Variants in GBE1 observed in about 807,000 individuals in gnomAD.
The protein encoded by GBE1 is 1,4-alpha-glucan-branching enzyme.
Under a neutral mutation model 88.8 loss-of-function variants are expected in GBE1, and 70 were observed. The ratio of observed to expected loss-of-function variants is 0.79; its 90% CI spans 0.65 to 0.96. GBE1 has a LOEUF of 0.96. GBE1 is among the 40% of genes least tolerant of loss of function. GBE1 has a pLI of 0.00. For missense variants in GBE1, 872 were observed against 871.0 expected (o/e 1.00, Z -0.01); for synonymous variants, 284 against 300.1 (o/e 0.95, Z 0.56).
chr3:81,702,751 A>C (rs1705718643), intron 2 of GBE1, among the ~76,000 whole-genome samples: 1 of 152,092 alleles, frequency 6.6e-6, no homozygotes, highest in Non-Finnish European at 1.5e-5. Context: ...TTTTTACAAT[A>C]AAATATGGGC....
At chr3:81,526,396 A>C (rs1399880922) in intron 14 of GBE1, among the ~76,000 whole-genome samples, 1 of 152,110 alleles carries the variant, frequency 6.6e-6, no homozygotes, top group Non-Finnish European at 1.5e-5. Context: ...GAAAGAAATA[A>C]AGGGTAATCA....
chr3:81,749,901 C>T (rs1706471920), intron 1 of GBE1, among the ~76,000 whole-genome samples: 1 of 152,064 alleles, frequency 6.6e-6, no homozygotes, highest in South Asian at 2.1e-4. Context: ...TAAAACCAAC[C>T]CTTAGGTTTG....
intron 14 of GBE1, among the ~76,000 whole-genome samples, chr3:81,526,475 T>A (rs991941072): frequency 6.6e-6 from 1 of 152,066 alleles, no homozygotes; most frequent in African/African-American, 2.4e-5. Context: ...GAAAACCCCA[T>A]TGTCTCAGCC....
chr3:81,756,022 A>C (rs1286376760), intron 1 of GBE1, among the ~76,000 whole-genome samples: 2 of 152,122 alleles, frequency 1.3e-5, no homozygotes, highest in Non-Finnish European at 2.9e-5. Flanking sequence ...TGTGAAAATT[A>C]TTTTATTTCT....
At chr3:81,565,601 A>T (rs906305012) in intron 12 of GBE1, among the ~76,000 whole-genome samples, 1 of 152,198 alleles carries the variant, frequency 6.6e-6, no homozygotes, top group South Asian at 2.1e-4. Flanking sequence ...CTACAAAATT[A>T]TCAAATGTCA....
At chr3:81,523,973 C>A (rs1226223509) in intron 14 of GBE1, among the ~76,000 whole-genome samples, 1 of 151,754 alleles carries the variant, frequency 6.6e-6, no homozygotes, top group African/African-American at 2.4e-5. Context: ...GCGCAAATAT[C>A]TGCTCCATAT....
intron 2 of GBE1, among the ~76,000 whole-genome samples, chr3:81,687,867 T>C (rs1440207152): frequency 6.6e-6 from 1 of 152,162 alleles, no homozygotes; most frequent in Admixed American, 6.5e-5. Context: ...AGACGCCCCA[T>C]TCAGTCTGGA....
intron 14 of GBE1, among the ~76,000 whole-genome samples, chr3:81,507,292 C>T (rs968509701): frequency 8.6e-5 from 13 of 151,960 alleles, no homozygotes; most frequent in African/African-American, 3.1e-4. Context: ...TGCCCGGGCG[C>T]AGTGGCTCAC....
chr3:81,534,475 T>C (rs1475242822), intron 14 of GBE1, among the ~76,000 whole-genome samples: 1 of 151,922 alleles, frequency 6.6e-6, no homozygotes, highest in Non-Finnish European at 1.5e-5. Flanking sequence ...GTAAAATGCA[T>C]GAAAAAAGGA....
intron 7 of GBE1, among the ~76,000 whole-genome samples, chr3:81,621,253 T>A (rs13097903): frequency 0.13 from 19,423 of 152,204 alleles, 1,804 homozygotes; most frequent in East Asian, 0.37. Context: ...TCTCTCAAGG[T>A]TACCTTATAA....
rs1559708483 is a variant in GBE1 at position 81,750,575 on chromosome 3, A to ATG, written c.143+10799_143+10800insCA. Among the ~76,000 whole-genome samples the ATG allele has an allele frequency of 2.3e-3, 124 of 54,934 alleles. 14 individuals carry two copies. The highest frequency in any genetic ancestry group is 0.014 in the African/African-American group (112 of 7,726). The allele number at this position is 54,934 out of a possible 152,430, so 36.0% of individuals were successfully genotyped here. A position where few individuals can be genotyped will look rare whatever the true frequency, so the allele number is the denominator to read the frequency against. On this transcript the variant is annotated intron_variant, in intron 1 of 15. Coordinates refer to ENST00000429644, the MANE Select transcript of GBE1 (RefSeq NM_000158.4). ...TGTATATATATATGTATATATATAT[A>ATG]CGTATATATATACGTATATATATAT... is the stretch of plus-strand genomic sequence containing the variant.
rs369831534 is a variant in GBE1 at position 81,499,120 on chromosome 3, T to C, written c.2042A>G (p.Tyr681Cys). The C allele has an allele frequency of 7.0e-6, 11 of 1,574,478 alleles. No homozygotes were observed. The highest frequency in any genetic ancestry group is 2.7e-5 in the African/African-American group (2 of 74,130). ...SEAFEHNGRPYSLLVYIPSRV... is the reference protein window; with the variant it reads ...SEAFEHNGRPCSLLVYIPSRV... ...GAGAAACTTACTTACCAAAAGAGAA[T>C]AGGGACGCCCATTATGTTCAAAAGC... is the stretch of plus-strand genomic sequence containing the variant. The change falls in exon 15 of 16, where the codon TAT becomes TGT. Residue 681 changes from tyrosine to cysteine, a missense_variant. By Grantham distance (194) the Tyr-to-Cys change is radical (BLOSUM62 -2). Transcript: ENST00000429644.
At chr3:81,553,376 G>T (rs946481905) in intron 12 of GBE1, among the ~76,000 whole-genome samples, 8 of 151,758 alleles carry the variant, frequency 5.3e-5, no homozygotes, top group African/African-American at 1.9e-4. Context: ...ATAGCATTAT[G>T]CTGTGTTTTG....
At chr3:81,668,061 T>A (rs1705137678) in intron 3 of GBE1, among the ~76,000 whole-genome samples, 1 of 152,184 alleles carries the variant, frequency 6.6e-6, no homozygotes, top group African/African-American at 2.4e-5. Context: ...TGAGATCATA[T>A]CCTTTGCAGG....
chr3:81,563,229 C>T (rs1222303049), intron 12 of GBE1, among the ~76,000 whole-genome samples: 2 of 152,222 alleles, frequency 1.3e-5, no homozygotes, highest in South Asian at 2.1e-4. Context: ...CTGGTAACCT[C>T]TAGAAACTTA....
intron 2 of GBE1, among the ~76,000 whole-genome samples, chr3:81,674,733 A>G (rs1255605990): frequency 6.6e-6 from 1 of 151,956 alleles, no homozygotes; most frequent in Non-Finnish European, 1.5e-5. Context: ...ATCTAAAGAC[A>G]TATTTATAAA....
chr3:81,537,911 A>G (rs1263527789), intron 12 of GBE1, among the ~76,000 whole-genome samples: 2 of 152,016 alleles, frequency 1.3e-5, no homozygotes, highest in Non-Finnish European at 2.9e-5. Context: ...AAACTTAAAA[A>G]TAAAATAAAA....
intron 1 of GBE1, among the ~76,000 whole-genome samples, chr3:81,738,023 A>G (rs1407958090): frequency 6.6e-6 from 1 of 151,666 alleles, no homozygotes; most frequent in East Asian, 2.0e-4. Flanking sequence ...TGTTCTTGCG[A>G]TAGTTTACTG....
intron 2 of GBE1, among the ~76,000 whole-genome samples, chr3:81,687,249 C>T (rs961184454): frequency 6.6e-6 from 1 of 152,036 alleles, no homozygotes; most frequent in African/African-American, 2.4e-5. Context: ...TGATGAACAA[C>T]TTTATATGCA....
Sources: allele counts gnomAD v4.1 joint callset (sites outside exome capture counted in the v4.1 genomes callset), GRCh38; gene constraint gnomAD v4.1.1; transcripts MANE v1.5; gene names NCBI Gene and HGNC (gene_info 2026-07-23, HGNC 2026-07-21).